The following NXT1 variants were observed in gnomAD, a reference collection of about 807,000 sequenced individuals.
NXT1 encodes NTF2-related export protein 1.
Under a neutral mutation model 9.9 loss-of-function variants are expected in NXT1, and 3 were observed. The ratio of observed to expected loss-of-function variants is 0.30; its 90% CI spans 0.14 to 0.79. The LOEUF (loss-of-function observed/expected upper bound fraction) is 0.79. Among genes scored for constraint, NXT1 ranks in the 30% least tolerant of loss-of-function variants. The pLI is 0.63. For synonymous variants in NXT1, 53 were observed against 66.5 expected (o/e 0.80, Z 0.99); for missense variants, 91 against 178.2 (o/e 0.51, Z 2.79).
chr20:23,351,648 G>A (rs1434145841), intron 1 of NXT1, among the ~76,000 whole-genome samples: 2 of 152,164 alleles, frequency 1.3e-5, no homozygotes, highest in African/African-American at 2.4e-5. Context: ...GGAGGAGTGA[G>A]GTGGAGATCG....
intron 1 of NXT1, among the ~76,000 whole-genome samples, chr20:23,353,761 A>C (rs1466102132): frequency 6.6e-6 from 1 of 152,206 alleles, no homozygotes; most frequent in Non-Finnish European, 1.5e-5. Context: ...AAGGTATACT[A>C]TCTCAGTTTG....
At chr20:23,351,429 A>C (rs1471434936) in intron 1 of NXT1, 1 of 152,124 alleles carries the variant, frequency 6.6e-6, no homozygotes, top group African/African-American at 2.4e-5. Flanking sequence ...ACAGCCTCTT[A>C]CTCTAGTCCT....
chr20:23,351,551 AGTT>A (rs1980268152), intron 1 of NXT1: 1 of 152,174 alleles, frequency 6.6e-6, no homozygotes, highest in African/African-American at 2.4e-5. Flanking sequence ...GGGCGTGGCC[AGTT>A]GTTAGATTGT....
intron 1 of NXT1, among the ~76,000 whole-genome samples, chr20:23,352,505 T>C (rs768663980): frequency 6.6e-5 from 10 of 150,520 alleles, no homozygotes; most frequent in Non-Finnish European, 1.3e-4. Flanking sequence ...TTTCATAAGC[T>C]AATCATTATA....
chr20:23,354,452 C>T lies in NXT1; in HGVS notation c.411C>T (p.Asp137=). ...KIASDCFRFQ[D]WAS is the part of the protein sequence containing the mutation. ...CAAGTGACTGCTTCCGCTTCCAGGA[C>T]TGGGCCAGCTAGTGGGGGTGGCAGA... The change falls in exon 2 of 2, where the codon GAC becomes GAT. Residue 137 remains aspartate, a synonymous_variant. Coordinates refer to ENST00000254998, the MANE Select transcript of NXT1 (RefSeq NM_013248.3). 1.9e-6 allele frequency: 3 copies of T among 1,612,670 alleles called. No homozygotes were observed. The highest frequency in any genetic ancestry group is 2.5e-6 in the Non-Finnish European group (3 of 1,179,160).
At position 23,353,980 on chromosome 20, in the gene NXT1, G is replaced by A; in HGVS notation, c.-61-1G>A. The A allele has an allele frequency of 6.5e-7, 1 of 1,527,350 alleles. No homozygotes were observed. The highest frequency in any genetic ancestry group is 8.9e-7 in the Non-Finnish European group (1 of 1,122,380). The allele number at this position is 1,527,350 out of a possible 1,614,324, so 94.6% of individuals were successfully genotyped here. On this transcript the variant is annotated splice_acceptor_variant, in intron 1 of 1. Coordinates refer to ENST00000254998, the MANE Select transcript of NXT1 (RefSeq NM_013248.3). LOFTEE classifies it low-confidence loss of function (5UTR_SPLICE). ...TTCTCTTCAACCTTACTTCCCTGCAGCCCCTGGTTCCCCAAGGCAGAGGAA... is the reference window on the plus strand; with the variant it reads ...TTCTCTTCAACCTTACTTCCCTGCAACCCCTGGTTCCCCAAGGCAGAGGAA...
In NXT1 at chr20:23,350,936, C is replaced by G. The variant is rs1428984733; in HGVS notation, c.-187C>G. ...AAGGCGGCTCTTCCCGTGCCCCTAC[C>G]AGAGGCTTCGGTGGGCCCACCTTGT... On this transcript the variant is annotated 5_prime_UTR_variant, in exon 1 of 2. Transcript: ENST00000254998. The G allele has an allele frequency of 6.6e-6, 1 of 152,196 alleles. No individual in the cohort carries two copies. The highest frequency in any genetic ancestry group is 1.5e-5 in the Non-Finnish European group (1 of 68,060). The allele number at this position is 152,196 out of a possible 1,614,324, so 9.4% of individuals were successfully genotyped here. A position where few individuals can be genotyped will look rare whatever the true frequency, so the allele number is the denominator to read the frequency against.
In NXT1 at chr20:23,354,648, A is replaced by G; in HGVS notation, c.*184A>G. ...AGTTCTAGGAGTCCCTTTCCTGAAT[A>G]TATACTTGTTTGTCATAGTTTCCTT... On this transcript the variant is annotated 3_prime_UTR_variant, in exon 2 of 2. Transcript: ENST00000254998. 1.3e-5 allele frequency: 8 copies of G among 630,710 alleles called. No individual in the cohort carries two copies. The highest frequency in any genetic ancestry group is 2.2e-5 in the Non-Finnish European group (8 of 367,366). 39.1% of individuals were successfully genotyped at this position (630,710 alleles called of 1,614,324 possible). A position where few individuals can be genotyped will look rare whatever the true frequency, so the allele number is the denominator to read the frequency against.
chr20:23,354,652 A>G lies in NXT1; in HGVS notation c.*188A>G, dbSNP rs539571951. The stretch of plus-strand genomic sequence containing the variant: ...CTAGGAGTCCCTTTCCTGAATATAT[A>G]CTTGTTTGTCATAGTTTCCTTTTCA... On this transcript the variant is annotated 3_prime_UTR_variant, in exon 2 of 2. Transcript: ENST00000254998. The G allele has an allele frequency of 4.1e-5, 25 of 615,044 alleles. No homozygotes were observed. The African/African-American group carries it at 4.7e-4, about 11-fold the overall frequency. The allele number at this position is 615,044 out of a possible 1,614,324, so 38.1% of individuals were successfully genotyped here.
chr20:23,354,659 T>A lies in NXT1; in HGVS notation c.*195T>A. 1 of 597,334 alleles carries A rather than the reference T, an allele frequency of 1.7e-6. No homozygotes were observed. The highest frequency in any genetic ancestry group is 2.9e-6 in the Non-Finnish European group (1 of 343,522). The allele number at this position is 597,334 out of a possible 1,614,324, so 37.0% of individuals were successfully genotyped here. On this transcript the variant is annotated 3_prime_UTR_variant, in exon 2 of 2. Coordinates refer to ENST00000254998, the MANE Select transcript of NXT1 (RefSeq NM_013248.3). ...TCCCTTTCCTGAATATATACTTGTT[T>A]GTCATAGTTTCCTTTTCAAAGTAGT...
chr20:23,354,403 C>T lies in NXT1; in HGVS notation c.362C>T (p.Pro121Leu). Residue 121 changes from proline to leucine, a missense_variant, in exon 2 of 2, where the codon CCC becomes CTC. Pro to Leu is a moderately conservative substitution (Grantham distance 98). Coordinates refer to ENST00000254998, the MANE Select transcript of NXT1 (RefSeq NM_013248.3). ...TTCATCCTGACCGCCCAGGCCTCAC[C>T]CAGCAACACAGTGTGGAAGATCGCA... is the stretch of plus-strand genomic sequence containing the variant. ...QNFILTAQASPSNTVWKIASD... is the reference protein window; with the variant it reads ...QNFILTAQASLSNTVWKIASD... 1.9e-6 allele frequency: 3 copies of T among 1,614,140 alleles called. No homozygotes were observed. The highest frequency in any genetic ancestry group is 2.5e-6 in the Non-Finnish European group (3 of 1,180,034).
Position 23,353,045 on chromosome 20 carries a change from C to G in NXT1, c.-61-936C>G, listed in dbSNP as rs537880464. Among the ~76,000 whole-genome samples the G allele has an allele frequency of 5.3e-5, 8 of 152,360 alleles. No individual in the cohort carries two copies. The South Asian group carries it at 1.7e-3, about 32-fold the overall frequency. Reference sequence around the variant, plus strand: ...AGCTCATGATAGACTTTCCTAGACTCAGCAGCTGACGAGCATTTCATTGGT... The same window carrying G: ...AGCTCATGATAGACTTTCCTAGACTGAGCAGCTGACGAGCATTTCATTGGT... On this transcript the variant is annotated intron_variant, in intron 1 of 1. Transcript: ENST00000254998.
At chr20:23,351,642 G>A (rs1357835401) in intron 1 of NXT1, among the ~76,000 whole-genome samples, 2 of 152,192 alleles carry the variant, frequency 1.3e-5, no homozygotes, top group African/African-American at 4.8e-5. Flanking sequence ...GAGGGAGGAG[G>A]AGTGAGGTGG....
In NXT1 at chr20:23,354,155, G is replaced by C; in HGVS notation, c.114G>C (p.Leu38=). 1 of 1,614,212 alleles carries C rather than the reference G, an allele frequency of 6.2e-7. No individual in the cohort carries two copies. Among genetic ancestry groups the C allele is most frequent in the Non-Finnish European group, 8.5e-7 (1 of 1,180,042 alleles). ...MDKRRRLLSR[L]YMGTATLVWN... ...AGCGGCGGCGTTTGCTGTCCCGCCT[G>C]TACATGGGCACAGCCACCCTGGTCT... The change falls in exon 2 of 2, where the codon CTG becomes CTC. Residue 38 remains leucine (L), a synonymous_variant. Coordinates refer to ENST00000254998, the MANE Select transcript of NXT1 (RefSeq NM_013248.3).
At chr20:23,352,069 T>TC (rs1264272194) in intron 1 of NXT1, among the ~76,000 whole-genome samples, 1 of 152,216 alleles carries the variant, frequency 6.6e-6, no homozygotes, top group Non-Finnish European at 1.5e-5. Flanking sequence ...GCTTTTTTTT[T>TC]CTTGTCATTA....
intron 1 of NXT1, chr20:23,351,452 C>T (rs547277706): frequency 3.0e-4 from 46 of 152,390 alleles, no homozygotes; most frequent in African/African-American, 1.1e-3. Context: ...CGGTCAGGTT[C>T]TTTTTCTGAT....
intron 1 of NXT1, among the ~76,000 whole-genome samples, chr20:23,352,833 T>C (rs772895885): frequency 3.3e-5 from 5 of 152,206 alleles, no homozygotes; most frequent in Admixed American, 2.0e-4. Context: ...ACAGGACTTA[T>C]CTGGTGGATG....
chr20:23,354,130 A>C lies in NXT1; in HGVS notation c.89A>C (p.Lys30Thr). The change falls in exon 2 of 2, where the codon AAG (lysine) becomes ACG (threonine). Residue 30 changes from lysine to threonine, a missense_variant. Transcript: ENST00000254998. Reference protein sequence around the residue: ...FVNVYYTTMDKRRRLLSRLYM... With the variant: ...FVNVYYTTMDTRRRLLSRLYM... ...AATGTCTACTACACCACCATGGATA[A>C]GCGGCGGCGTTTGCTGTCCCGCCTG... 6.2e-7 allele frequency: 1 copy of C among 1,614,162 alleles called. No individual in the cohort carries two copies.
At chr20:23,352,393 C>T (rs1462442594) in intron 1 of NXT1, among the ~76,000 whole-genome samples, 1 of 152,140 alleles carries the variant, frequency 6.6e-6, no homozygotes, top group Admixed American at 6.5e-5. Flanking sequence ...ATTTTTAGGA[C>T]AGCTTCCCTC....
Sources: gnomAD v4.1 joint callset for allele counts (sites outside exome capture counted in the v4.1 genomes callset) on GRCh38, gnomAD v4.1.1 for gene constraint, MANE v1.5 for transcripts, NCBI Gene and HGNC (gene_info 2026-07-23, HGNC 2026-07-21) for gene names.